CNTN4: variants seen among roughly 807,000 people sequenced by gnomAD.
CNTN4 encodes contactin-4.
A neutral mutation model predicts 122.5 loss-of-function variants in CNTN4; 77 were observed. The ratio of observed to expected loss-of-function variants is 0.63; its 90% CI spans 0.52 to 0.76. The LOEUF (loss-of-function observed/expected upper bound fraction) is 0.76, where lower values mean the gene tolerates loss of function less well. CNTN4 is among the 30% of genes least tolerant of loss of function. The probability of loss-of-function intolerance (pLI) is 0.00; values close to 1 mark genes in which losing one functional copy is unlikely to be tolerated. For synonymous variants in CNTN4, 512 were observed against 447.0 expected, an observed-to-expected ratio of 1.15 and a Z score of -1.83; for missense variants, 1,256 against 1,259.1, an observed-to-expected ratio of 1.00 and a Z score of 0.04.
chr3:2,721,264 G>T (rs529747539), intron 4 of CNTN4, among the ~76,000 whole-genome samples: 2 of 152,046 alleles, frequency 1.3e-5, no homozygotes, highest in African/African-American at 4.8e-5. Flanking sequence ...GAGCCACCAC[G>T]CCCAGCCAAG....
At chr3:2,423,962 T>G (rs1427566341) in intron 3 of CNTN4, among the ~76,000 whole-genome samples, 2 of 125,296 alleles carry the variant, frequency 1.6e-5, no homozygotes, top group Non-Finnish European at 3.4e-5. Flanking sequence ...TTTTTTTGAT[T>G]AGGCAACATA....
At position 3,014,047 on chromosome 3, in the gene CNTN4, T is replaced by TACACACAC. The variant is rs10546128; in HGVS notation, c.1487-12022_1487-12015dup. 3.0e-3 allele frequency among the ~76,000 whole-genome samples: 443 copies of TACACACAC among 146,516 alleles called. 1 individual carries two copies. Among genetic ancestry groups the TACACACAC allele is most frequent in the East Asian group, 9.6e-3 (47 of 4,884 alleles). On this transcript the variant is annotated intron_variant, in intron 14 of 24. Transcript: ENST00000418658. Reference sequence around the variant, plus strand: ...TTATTGAGGAACAGACATTTAAATGTACACACACACACACACACACACACA... The same window carrying TACACACAC: ...TTATTGAGGAACAGACATTTAAATGTACACACACACACACACACACACACACACACACA...
intron 2 of CNTN4, among the ~76,000 whole-genome samples, chr3:2,285,181 C>A (rs1300590846): frequency 2.6e-5 from 4 of 152,026 alleles, no homozygotes; most frequent in Admixed American, 2.6e-4. Flanking sequence ...GAGTTCCTAA[C>A]TGTTGCAGGA....
intron 7 of CNTN4, among the ~76,000 whole-genome samples, chr3:2,864,554 C>T (rs2093703058): frequency 6.6e-6 from 1 of 151,772 alleles, no homozygotes; most frequent in African/African-American, 2.4e-5. Flanking sequence ...GCCTGGCCAA[C>T]ATGGTGAAAC....
rs535251151 is a variant in CNTN4 at position 2,507,692 on chromosome 3, A to G, written c.-88-63724A>G. Among the ~76,000 whole-genome samples the G allele has an allele frequency of 1.3e-4, 19 of 149,248 alleles. No individual in the cohort carries two copies. In the Middle Eastern group the frequency reaches 0.01, roughly 81 times the overall value. Reference sequence around the variant, plus strand: ...GGAGGTTGCAGTGAGCCGAGATTGCACCACTGCACTCCAGTCTGGGCCACA... The same window carrying G: ...GGAGGTTGCAGTGAGCCGAGATTGCGCCACTGCACTCCAGTCTGGGCCACA... On this transcript the variant is annotated intron_variant, in intron 3 of 24. Coordinates refer to ENST00000418658, the MANE Select transcript of CNTN4 (RefSeq NM_175607.3).
intron 3 of CNTN4, among the ~76,000 whole-genome samples, chr3:2,544,791 A>G (rs905727964): frequency 1.3e-5 from 2 of 150,402 alleles, no homozygotes; most frequent in Non-Finnish European, 3.0e-5. Context: ...CCACTAGTCT[A>G]TTTATCTTCT....
At chr3:2,567,647 G>T (rs919803036) in intron 3 of CNTN4, among the ~76,000 whole-genome samples, 1 of 152,204 alleles carries the variant, frequency 6.6e-6, no homozygotes, top group Admixed American at 6.5e-5. Flanking sequence ...CAGCTGGAGA[G>T]TGGGAAGTCT....
chr3:2,291,151 C>G (rs2042118366), intron 2 of CNTN4, among the ~76,000 whole-genome samples: 1 of 152,048 alleles, frequency 6.6e-6, no homozygotes, highest in Admixed American at 6.6e-5. Flanking sequence ...ATTCTTATTT[C>G]TTTGCTTGGA....
chr3:2,816,820 C>CAAAAAA (rs538762827), intron 6 of CNTN4, among the ~76,000 whole-genome samples: 12 of 73,240 alleles, frequency 1.6e-4, no homozygotes, highest in Non-Finnish European at 2.2e-4. Context: ...ACTCTGTCTC[C>CAAAAAA]AAAAAAAAAA....
At chr3:2,544,995 G>A (rs1339538881) in intron 3 of CNTN4, among the ~76,000 whole-genome samples, 1 of 151,974 alleles carries the variant, frequency 6.6e-6, no homozygotes, top group Non-Finnish European at 1.5e-5. Flanking sequence ...CTGAATTTTT[G>A]ATGTGGGTGT....
chr3:2,188,574 G>A (rs2037379553), intron 2 of CNTN4, among the ~76,000 whole-genome samples: 1 of 152,130 alleles, frequency 6.6e-6, no homozygotes, highest in Admixed American at 6.5e-5. Flanking sequence ...ATTTCAGGTA[G>A]GGTGAGAAAC....
At chr3:2,417,051 TA>T (rs2047443519) in intron 3 of CNTN4, among the ~76,000 whole-genome samples, 1 of 152,204 alleles carries the variant, frequency 6.6e-6, no homozygotes, top group South Asian at 2.1e-4. Context: ...GCAGACTGGT[TA>T]TAAATAAGGG....
At position 2,866,878 on chromosome 3, in the gene CNTN4, G is replaced by A; in HGVS notation, c.581G>A (p.Cys194Tyr). The change falls in exon 8 of 25, where the codon TGT (cysteine) becomes TAT (tyrosine). Residue 194 changes from cysteine (C) to tyrosine (Y), a missense_variant. Coordinates refer to ENST00000418658, the MANE Select transcript of CNTN4 (RefSeq NM_175607.3). Reference sequence around the variant, plus strand: ...AAATCAGATGTTGGGAATTATACCTGTGTGGTTACCAATACCGTGACAAAC... The same window carrying A: ...AAATCAGATGTTGGGAATTATACCTATGTGGTTACCAATACCGTGACAAAC... ...VEKSDVGNYT[C>Y]VVTNTVTNHK... 1 of 1,613,998 alleles carries A rather than the reference G, an allele frequency of 6.2e-7. No homozygotes were observed. The highest frequency in any genetic ancestry group is 8.5e-7 in the Non-Finnish European group (1 of 1,179,924).
chr3:2,636,047 A>T (rs990940545), intron 4 of CNTN4, among the ~76,000 whole-genome samples: 2 of 152,152 alleles, frequency 1.3e-5, no homozygotes, highest in African/African-American at 4.8e-5. Flanking sequence ...TTAGTTGGTG[A>T]GACAGATGAA....
chr3:3,010,305 T>G (rs1697096138), intron 14 of CNTN4, among the ~76,000 whole-genome samples: 1 of 152,034 alleles, frequency 6.6e-6, no homozygotes, highest in African/African-American at 2.4e-5. Context: ...TCCCAAATCT[T>G]TGGGCATTTT....
intron 4 of CNTN4, among the ~76,000 whole-genome samples, chr3:2,631,424 A>G (rs932470413): frequency 2.0e-5 from 3 of 152,156 alleles, no homozygotes; most frequent in Admixed American, 6.5e-5. Flanking sequence ...AAAACAACAC[A>G]TAATGCAATG....
chr3:3,041,436 C>T (rs1700154440), intron 20 of CNTN4, among the ~76,000 whole-genome samples: 1 of 152,202 alleles, frequency 6.6e-6, no homozygotes, highest in Non-Finnish European at 1.5e-5. Flanking sequence ...GGGAAAAGGA[C>T]AGTCAGCTGA....
At chr3:2,259,814 G>C (rs181601270) in intron 2 of CNTN4, among the ~76,000 whole-genome samples, 2 of 152,140 alleles carry the variant, frequency 1.3e-5, no homozygotes, top group Non-Finnish European at 2.9e-5. Flanking sequence ...ATATCAGCTC[G>C]TGAGTGAGCA....
At chr3:2,857,004 A>G (rs990716328) in intron 7 of CNTN4, among the ~76,000 whole-genome samples, 1 of 152,152 alleles carries the variant, frequency 6.6e-6, no homozygotes, top group African/African-American at 2.4e-5. Context: ...AAAGAGCAGG[A>G]TGTTCTTAGG....
Sources: gnomAD v4.1 joint callset for allele counts (sites outside exome capture counted in the v4.1 genomes callset) on GRCh38, gnomAD v4.1.1 for gene constraint, MANE v1.5 for transcripts, NCBI Gene and HGNC (gene_info 2026-07-23, HGNC 2026-07-21) for gene names.